The following XDH variants were observed in gnomAD, a reference collection of about 807,000 sequenced individuals.
XDH encodes xanthine dehydrogenase.
Under a neutral mutation model 156.1 loss-of-function variants are expected in XDH, and 138 were observed. The observed-to-expected ratio is 0.88, with a 90% CI of 0.77 to 1.02. The LOEUF (loss-of-function observed/expected upper bound fraction) is 1.02, where lower values mean the gene tolerates loss of function less well. Among genes scored for constraint, XDH ranks in the 50% least tolerant of loss-of-function variants. XDH has a pLI of 0.00. For missense variants in XDH, 1,849 were observed against 1,684.9 expected, an observed-to-expected ratio of 1.10 and a Z score of -1.71; for synonymous variants, 669 against 625.7, an observed-to-expected ratio of 1.07 and a Z score of -1.03.
intron 29 of XDH, 33 bp from the exon 30 acceptor site, chr2:31,346,876 T>A (rs760861744): frequency 4.3e-6 from 7 of 1,613,300 alleles, no homozygotes; most frequent in African/African-American, 2.7e-5. Flanking sequence ...CCCAGACACA[T>A]CAGTCCTCTG....
intron 7 of XDH, 120 bp from the exon 8 acceptor site, chr2:31,388,017 A>T: frequency 1.6e-6 from 2 of 1,227,418 alleles, no homozygotes; most frequent in Admixed American, 2.0e-5. Flanking sequence ...CTGCAAGAGG[A>T]GCAGGTAATC....
intron 24 of XDH, among the ~76,000 whole-genome samples, chr2:31,359,372 C>CAAAAAAA (rs201239874): frequency 7.5e-6 from 1 of 132,598 alleles, no homozygotes; most frequent in Non-Finnish European, 1.6e-5. Context: ...AAACAAAAAC[C>CAAAAAAA]AAAAAAAAAA....
In XDH at chr2:31,342,174, A is replaced by G. The variant is rs932207642; in HGVS notation, c.3519+9T>C. 1 of 1,613,086 alleles carries G rather than the reference A, an allele frequency of 6.2e-7. No individual in the cohort carries two copies. The highest frequency in any genetic ancestry group is 1.7e-5 in the Admixed American group (1 of 59,984). On this transcript the variant is annotated intron_variant, in intron 32 of 35. Coordinates refer to ENST00000379416, the MANE Select transcript of XDH (RefSeq NM_000379.4). ...CCCACTAAGTACTAAAGTTTTGCAA[A>G]CTTCTTACCTTATGATCTCCTGTTA...
In XDH at chr2:31,342,159, A is replaced by C. The variant is rs207446; in HGVS notation, c.3519+24T>G. ...GTTTCTCTTCTCTTTCCCACTAAGT[A>C]CTAAAGTTTTGCAAACTTCTTACCT... is the stretch of plus-strand genomic sequence containing the variant. On this transcript the variant is annotated intron_variant, in intron 32 of 35. Transcript: ENST00000379416. 1.3e-3 allele frequency: 2,137 copies of C among 1,589,410 alleles called. 23 individuals are homozygous for C. The African/African-American group carries it at 0.026, about 19-fold the overall frequency.
chr2:31,401,259 T>G lies in XDH; in HGVS notation c.267A>C (p.Glu89Asp). Residue 89 changes from glutamate to aspartate, a missense_variant, in exon 4 of 36, where the codon GAA (glutamate) becomes GAC (aspartate). Physicochemically the swap from Glu to Asp is conservative, Grantham distance 45. Coordinates refer to ENST00000379416, the MANE Select transcript of XDH (RefSeq NM_000379.4). ...SLHHVAVTTV[E>D]GIGSTKTRLH... ...GCCTCGTCTTGGTGCTTCCTATTCC[T>G]TCCACAGTTGTCACTGCAACATGGT... is the stretch of plus-strand genomic sequence containing the variant. 1 of 1,614,172 alleles carries G rather than the reference T, an allele frequency of 6.2e-7. No individual in the cohort carries two copies. The highest frequency in any genetic ancestry group is 2.2e-5 in the East Asian group (1 of 44,878).
chr2:31,350,776 T>G (rs773802358), intron 24 of XDH, among the ~76,000 whole-genome samples: 2 of 152,190 alleles, frequency 1.3e-5, no homozygotes, highest in Non-Finnish European at 2.9e-5. Context: ...TTGCCTCTTT[T>G]TGAAAACAGT....
intron 1 of XDH, 97 bp from the exon 2 acceptor site, chr2:31,406,061 G>A (rs1687184384): frequency 7.5e-7 from 1 of 1,342,280 alleles, no homozygotes; most frequent in Admixed American, 1.8e-5. Flanking sequence ...ATAATTTGTA[G>A]AGTTAGTAGG....
chr2:31,378,200 A>C (rs9973791), intron 13 of XDH, among the ~76,000 whole-genome samples: 2 of 151,734 alleles, frequency 1.3e-5, no homozygotes, highest in Admixed American at 6.6e-5. Flanking sequence ...GCAAAGCAAG[A>C]AAGCAAGCAA....
chr2:31,387,762 G>T (rs1177795152), intron 8 of XDH, 49 bp downstream of exon 8: 2 of 1,505,062 alleles, frequency 1.3e-6, no homozygotes, highest in East Asian at 4.8e-5. Context: ...AGGTTTCCAG[G>T]GACTCACAGT....
At chr2:31,375,622 G>T (rs143370133) in intron 14 of XDH, 68 bp from the exon 15 acceptor site, 1 of 1,554,196 alleles carries the variant, frequency 6.4e-7, no homozygotes, top group Non-Finnish European at 8.7e-7. Context: ...GTAGAGCTGT[G>T]TGCCCAGGGC....
chr2:31,399,620 C>T (rs1326773444), intron 4 of XDH, among the ~76,000 whole-genome samples: 1 of 152,304 alleles, frequency 6.6e-6, no homozygotes, highest in East Asian at 1.9e-4. Flanking sequence ...TGAATTGTAG[C>T]CCCCATAATT....
In XDH at chr2:31,386,316, G is replaced by A. The variant is rs940886313; in HGVS notation, c.793+98C>T. 9.8e-6 allele frequency: 15 copies of A among 1,532,990 alleles called. No homozygotes were observed. The African/African-American group carries it at 1.9e-4, about 20-fold the overall frequency. The allele number at this position is 1,532,990 out of a possible 1,614,324, so 95.0% of individuals were successfully genotyped here. On this transcript the variant is annotated intron_variant, in intron 9 of 35. Coordinates refer to ENST00000379416, the MANE Select transcript of XDH (RefSeq NM_000379.4). Reference sequence around the variant, plus strand: ...CAGTGGGGCAGAGGGATAGGGTGCAGAGGCAAGTAAAGTCAGGGGGAGGTG... The same window carrying A: ...CAGTGGGGCAGAGGGATAGGGTGCAAAGGCAAGTAAAGTCAGGGGGAGGTG...
intron 18 of XDH, 66 bp downstream of exon 18, chr2:31,370,289 A>G: frequency 6.4e-7 from 1 of 1,571,970 alleles, no homozygotes; most frequent in Non-Finnish European, 8.7e-7. Context: ...AGTTTGGAGC[A>G]ATGTACACAA....
rs1214555277 is a variant in XDH at position 31,366,856 on chromosome 2, C to G, written c.2322+14G>C. 1 of 1,613,942 alleles carries G rather than the reference C, an allele frequency of 6.2e-7. No individual in the cohort carries two copies. The highest frequency in any genetic ancestry group is 8.5e-7 in the Non-Finnish European group (1 of 1,180,022). ...ACCCTGACAGCCCCTTGAGCTGACC[C>G]AAAAGGCATCTACCTGGGTCTTCAT... On this transcript the variant is annotated intron_variant, in intron 21 of 35. Transcript: ENST00000379416.
At chr2:31,398,175 A>G (rs972345593) in intron 5 of XDH, among the ~76,000 whole-genome samples, 2 of 152,236 alleles carry the variant, frequency 1.3e-5, no homozygotes, top group Non-Finnish European at 1.5e-5. Flanking sequence ...TCAGAGAAGC[A>G]GACACATTGG....
chr2:31,337,290 A>G (rs940324691), intron 35 of XDH, among the ~76,000 whole-genome samples: 1 of 152,186 alleles, frequency 6.6e-6, no homozygotes, highest in Non-Finnish European at 1.5e-5. Context: ...ATTAAAAAAA[A>G]AAATGCTAGC....
chr2:31,393,825 C>T (rs1190825665), intron 6 of XDH, among the ~76,000 whole-genome samples: 1 of 147,624 alleles, frequency 6.8e-6, no homozygotes, highest in Non-Finnish European at 1.5e-5. Context: ...TGGTAGTTGC[C>T]CTAGAGTTTG....
At chr2:31,341,120 A>G (rs1685111709) in intron 33 of XDH, among the ~76,000 whole-genome samples, 1 of 152,128 alleles carries the variant, frequency 6.6e-6, no homozygotes, top group Non-Finnish European at 1.5e-5. Flanking sequence ...GCCCTTCCCA[A>G]GTTGACCCAT....
At chr2:31,343,312 A>ATATATATATATATATATATATGCATGTT (rs1558675323) in intron 31 of XDH, among the ~76,000 whole-genome samples, 1 of 136,586 alleles carries the variant, frequency 7.3e-6, no homozygotes, top group African/African-American at 2.7e-5. Flanking sequence ...ATATATATAT[A>ATATATATATATATATATATATGCATGTT]TATATATATA....
Sources: allele counts gnomAD v4.1 joint callset (sites outside exome capture counted in the v4.1 genomes callset), GRCh38; gene constraint gnomAD v4.1.1; transcripts MANE v1.5; gene names NCBI Gene and HGNC (gene_info 2026-07-23, HGNC 2026-07-21).